The following TNS1 variants were observed in gnomAD, a reference collection of about 807,000 sequenced individuals.
TNS1 encodes the protein tensin 1, also known as tensin-1.
In TNS1, 62 loss-of-function variants were observed where a neutral mutation model predicts 168.6. That is an observed-to-expected ratio of 0.37 (90% CI 0.30 to 0.45). The LOEUF is 0.45. TNS1 is among the 20% of genes least tolerant of loss of function. The probability of loss-of-function intolerance (pLI) is 1.00; values close to 1 mark genes in which losing one functional copy is unlikely to be tolerated. For missense variants in TNS1, 2,240 were observed against 2,339.4 expected (o/e 0.96, Z 0.88); for synonymous variants, 934 against 933.2 (o/e 1.00, Z -0.02).
intron 3 of TNS1, among the ~76,000 whole-genome samples, chr2:217,965,566 A>T (rs1014174431): frequency 2.6e-5 from 4 of 152,186 alleles, no homozygotes; most frequent in Admixed American, 1.3e-4. Flanking sequence ...CTGAGCCTCC[A>T]GGCAGAGCCC....
intron 1 of TNS1, among the ~76,000 whole-genome samples, chr2:218,023,257 C>T (rs1336050428): frequency 6.6e-6 from 1 of 152,164 alleles, no homozygotes; most frequent in East Asian, 1.9e-4. Flanking sequence ...GCTGGGAACC[C>T]CGAGACCAGG....
chr2:217,850,074 C>T, intron 18 of TNS1: 1 of 985,462 alleles, frequency 1.0e-6, no homozygotes, highest in Non-Finnish European at 1.2e-6. Flanking sequence ...CCTACCCCTC[C>T]ACCAGCAAGC....
intron 3 of TNS1, among the ~76,000 whole-genome samples, chr2:217,945,281 G>A (rs1957075468): frequency 6.6e-6 from 1 of 152,176 alleles, no homozygotes; most frequent in Non-Finnish European, 1.5e-5. Context: ...TATTAATTCA[G>A]CCAAACCCTT....
At chr2:217,938,271 G>A (rs1238260309) in intron 3 of TNS1, among the ~76,000 whole-genome samples, 3 of 152,244 alleles carry the variant, frequency 2.0e-5, no homozygotes, top group Non-Finnish European at 4.4e-5. Flanking sequence ...GAACTGCGTT[G>A]GGTGGAGAAT....
At chr2:217,832,620 C>T (rs1232489002) in intron 21 of TNS1, among the ~76,000 whole-genome samples, 2 of 152,218 alleles carry the variant, frequency 1.3e-5, no homozygotes, top group Non-Finnish European at 2.9e-5. Context: ...CCTGCCCCTG[C>T]TGCTTTCCCC....
chr2:217,979,238 A>T (rs1957977684), intron 2 of TNS1, among the ~76,000 whole-genome samples: 1 of 152,110 alleles, frequency 6.6e-6, no homozygotes, highest in African/African-American at 2.4e-5. Flanking sequence ...ACTCTGCCCC[A>T]GAGACAGACA....
upstream of TNS1, among the ~76,000 whole-genome samples, chr2:218,006,929 T>C (rs1448979802): frequency 1.3e-5 from 2 of 152,144 alleles, no homozygotes; most frequent in Non-Finnish European, 2.9e-5. Flanking sequence ...ACAGCCACAC[T>C]GCGTCAAGAA....
At chr2:217,946,470 T>C (rs971096637) in intron 3 of TNS1, among the ~76,000 whole-genome samples, 4 of 152,242 alleles carry the variant, frequency 2.6e-5, no homozygotes, top group African/African-American at 7.2e-5. Flanking sequence ...GATGGATGGA[T>C]AATCAGTTCA....
Position 217,801,097 on chromosome 2 carries a change from C to G in TNS1, c.*3362G>C, listed in dbSNP as rs1047265239. 1 of 152,172 alleles carries G rather than the reference C, an allele frequency of 6.6e-6. No homozygotes were observed. 9.4% of individuals were successfully genotyped at this position (152,172 alleles called of 1,614,324 possible). A position where few individuals can be genotyped will look rare whatever the true frequency, so the allele number is the denominator to read the frequency against. On this transcript the variant is annotated 3_prime_UTR_variant, in exon 33 of 33. Coordinates refer to ENST00000682258, the MANE Select transcript of TNS1 (RefSeq NM_001387777.1). The stretch of plus-strand genomic sequence containing the variant: ...GAATCCTGGCCATTGGTGTCCACAG[C>G]TTTCAGAGCTACTGGAGGAGACGCT...
intron 18 of TNS1, among the ~76,000 whole-genome samples, chr2:217,871,087 A>G (rs1949731806): frequency 6.6e-6 from 1 of 151,966 alleles, no homozygotes. Context: ...ACTAAGATCC[A>G]CCCCTCTTGT....
chr2:217,950,520 G>C (rs2125975718), intron 3 of TNS1, among the ~76,000 whole-genome samples: 1 of 151,948 alleles, frequency 6.6e-6, no homozygotes, highest in Admixed American at 6.6e-5. Context: ...CCTGGGCTGG[G>C]GGAGGTGAGG....
intron 2 of TNS1, among the ~76,000 whole-genome samples, chr2:217,987,549 G>A (rs1231944942): frequency 3.9e-5 from 6 of 152,174 alleles, no homozygotes; most frequent in African/African-American, 1.4e-4. Context: ...AGGCAACCAA[G>A]GGGAGACAGG....
At chr2:217,841,301 C>T in intron 19 of TNS1, 1 of 984,290 alleles carries the variant, frequency 1.0e-6, no homozygotes, top group Non-Finnish European at 1.2e-6. Flanking sequence ...CACCCCCCAC[C>T]CCAGGGGAGC....
intron 7 of TNS1, among the ~76,000 whole-genome samples, chr2:217,898,547 A>G (rs551127212): frequency 6.6e-6 from 1 of 152,332 alleles, no homozygotes; most frequent in South Asian, 2.1e-4. Context: ...GCCAGACCAC[A>G]GCACACATTC....
chr2:217,892,433 T>C (rs1011245189), intron 11 of TNS1, among the ~76,000 whole-genome samples: 7 of 152,192 alleles, frequency 4.6e-5, no homozygotes, highest in Admixed American at 2.6e-4. Flanking sequence ...ACAAAACGAA[T>C]GGGTGAATCC....
Position 217,939,587 on chromosome 2 carries a change from G to C in TNS1, c.187-19351C>G, listed in dbSNP as rs966514262. Among the ~76,000 whole-genome samples the C allele has an allele frequency of 3.3e-5, 5 of 152,254 alleles. No individual in the cohort carries two copies. In the East Asian group the frequency reaches 9.6e-4, roughly 29 times the overall value. On this transcript the variant is annotated intron_variant, in intron 3 of 32. Transcript: ENST00000682258. ...AAGGTCCCTGGGGGAAATGGACCCA[G>C]GTCTGGGGCCCCATAGTGGCCAAAG... is the stretch of plus-strand genomic sequence containing the variant.
chr2:218,021,625 C>T (rs1331347709), intron 1 of TNS1, among the ~76,000 whole-genome samples: 1 of 152,192 alleles, frequency 6.6e-6, no homozygotes, highest in Non-Finnish European at 1.5e-5. Context: ...ACGTTCCTCT[C>T]TCTGCCCACG....
intron 1 of TNS1, among the ~76,000 whole-genome samples, chr2:218,027,001 C>T (rs376402981): frequency 1.3e-3 from 205 of 152,256 alleles, no homozygotes; most frequent in African/African-American, 4.7e-3. Flanking sequence ...GTGTTGAGGG[C>T]TTGGTGGAGG....
At position 217,932,655 on chromosome 2, in the gene TNS1, G is replaced by T. The variant is rs529388413; in HGVS notation, c.187-12419C>A. On this transcript the variant is annotated intron_variant, in intron 3 of 32. Transcript: ENST00000682258. ...TTCGTATCCCCATTTTACAGAAGAAGAAACTGAGAAACAATAGAGGGAGAG... is the reference window on the plus strand; with the variant it reads ...TTCGTATCCCCATTTTACAGAAGAATAAACTGAGAAACAATAGAGGGAGAG... Among the ~76,000 whole-genome samples the T allele has an allele frequency of 2.6e-5, 4 of 152,232 alleles. No individual in the cohort carries two copies. In the South Asian group the frequency reaches 8.3e-4, roughly 32 times the overall value.
Sources: gnomAD v4.1 joint callset for allele counts (sites outside exome capture counted in the v4.1 genomes callset) on GRCh38, gnomAD v4.1.1 for gene constraint, MANE v1.5 for transcripts, NCBI Gene and HGNC (gene_info 2026-07-23, HGNC 2026-07-21) for gene names.